MAGI3: variants seen among roughly 807,000 people sequenced by gnomAD.
MAGI3 encodes the protein membrane-associated guanylate kinase, WW and PDZ domain-containing protein 3.
In MAGI3, 43 loss-of-function variants were observed where a neutral mutation model predicts 121.8. The observed-to-expected ratio is 0.35, with a 90% CI of 0.28 to 0.46. The LOEUF is 0.46. Ranked by LOEUF, MAGI3 falls within the 20% of genes least tolerant of loss-of-function variation. The pLI, the probability that MAGI3 is intolerant of heterozygous loss-of-function variation, is 1.00. For synonymous variants in MAGI3, 553 were observed against 639.3 expected (o/e 0.86, Z 2.04); for missense variants, 1,547 against 1,797.3 (o/e 0.86, Z 2.52).
chr1:113,574,018 C>CT (rs567525647), intron 2 of MAGI3, among the ~76,000 whole-genome samples: 13 of 150,340 alleles, frequency 8.6e-5, no homozygotes, highest in Non-Finnish European at 1.8e-4. Flanking sequence ...CAACCCCTGC[C>CT]TTTTTTTTTC....
intron 1 of MAGI3, among the ~76,000 whole-genome samples, chr1:113,468,133 AGGT>A (rs1407870276): frequency 6.6e-6 from 1 of 152,142 alleles, no homozygotes; most frequent in African/African-American, 2.4e-5. Context: ...AGTTTCTTAT[AGGT>A]GGCATAAAGT....
chr1:113,665,010 A>G lies in MAGI3; in HGVS notation c.2815+5745A>G, dbSNP rs182483536. 3.7e-3 allele frequency among the ~76,000 whole-genome samples: 556 copies of G among 152,230 alleles called. 2 individuals are homozygous for G. The highest frequency in any genetic ancestry group is 5.4e-3 in the Non-Finnish European group (365 of 68,000). Reference sequence around the variant, plus strand: ...TAATTTAGATGTAATCAAATTTGTCACTTTTTACCTACAGCTTAAACTCTT... The same window carrying G: ...TAATTTAGATGTAATCAAATTTGTCGCTTTTTACCTACAGCTTAAACTCTT... On this transcript the variant is annotated intron_variant, in intron 16 of 20. Coordinates refer to ENST00000307546, the MANE Select transcript of MAGI3 (RefSeq NM_001142782.2).
At chr1:113,482,667 T>A (rs1405452597) in intron 1 of MAGI3, among the ~76,000 whole-genome samples, 4 of 115,218 alleles carry the variant, frequency 3.5e-5, no homozygotes, top group African/African-American at 6.4e-5. Flanking sequence ...TTTTTTTTTT[T>A]AACCACTGGA....
At chr1:113,622,244 TGAG>T (rs1650872279) in intron 8 of MAGI3, among the ~76,000 whole-genome samples, 1 of 152,150 alleles carries the variant, frequency 6.6e-6, no homozygotes, top group Admixed American at 6.5e-5. Context: ...CAGGCATGGT[TGAG>T]GAGAAGAGAG....
chr1:113,488,132 T>C (rs1032644656), intron 1 of MAGI3, among the ~76,000 whole-genome samples: 1 of 152,224 alleles, frequency 6.6e-6, no homozygotes, highest in Non-Finnish European at 1.5e-5. Flanking sequence ...TATTAAATTA[T>C]TTACGCTTTT....
intron 1 of MAGI3, among the ~76,000 whole-genome samples, chr1:113,434,798 TAAGG>T (rs1324151382): frequency 6.6e-6 from 1 of 152,250 alleles, no homozygotes; most frequent in Non-Finnish European, 1.5e-5. Context: ...ACAGAACAGA[TAAGG>T]AAGGTTCTTG....
intron 6 of MAGI3, among the ~76,000 whole-genome samples, chr1:113,606,785 C>T (rs1649801404): frequency 6.6e-6 from 1 of 152,126 alleles, no homozygotes; most frequent in East Asian, 1.9e-4. Context: ...TTGCCTGTTC[C>T]TCTCTTCTTG....
intron 1 of MAGI3, among the ~76,000 whole-genome samples, chr1:113,531,231 G>T (rs1292036605): frequency 6.6e-6 from 1 of 151,960 alleles, no homozygotes; most frequent in African/African-American, 2.4e-5. Flanking sequence ...TTACATACAG[G>T]TTATTAAAAC....
intron 1 of MAGI3, among the ~76,000 whole-genome samples, chr1:113,463,715 CTT>C (rs1219264298): frequency 6.6e-6 from 1 of 151,926 alleles, no homozygotes; most frequent in East Asian, 1.9e-4. Flanking sequence ...TTTTAACCCA[CTT>C]TAGAGGATTG....
At chr1:113,542,827 G>C (rs1659351632) in intron 1 of MAGI3, among the ~76,000 whole-genome samples, 1 of 152,028 alleles carries the variant, frequency 6.6e-6, no homozygotes, top group African/African-American at 2.4e-5. Context: ...GGATATTCTA[G>C]GACAGCGCTT....
chr1:113,641,023 A>ATATATATACAC (rs1491566258), intron 9 of MAGI3, among the ~76,000 whole-genome samples: 1 of 24,650 alleles, frequency 4.1e-5, no homozygotes, highest in Non-Finnish European at 9.8e-5. Context: ...ATGATATATA[A>ATATATATACAC]TATATATGAT....
chr1:113,416,988 C>A (rs191013061), intron 1 of MAGI3, among the ~76,000 whole-genome samples: 1 of 151,992 alleles, frequency 6.6e-6, no homozygotes, highest in Non-Finnish European at 1.5e-5. Flanking sequence ...TCACCTTTGA[C>A]TAATTGTCAT....
intron 2 of MAGI3, among the ~76,000 whole-genome samples, chr1:113,570,441 GT>G (rs1647230010): frequency 6.6e-6 from 1 of 152,140 alleles, no homozygotes; most frequent in Admixed American, 6.5e-5. Context: ...GGTATTTCTA[GT>G]TCTAGATCCT....
intron 1 of MAGI3, among the ~76,000 whole-genome samples, chr1:113,488,038 AT>A (rs1324081919): frequency 6.6e-6 from 1 of 152,134 alleles, no homozygotes; most frequent in Middle Eastern, 3.2e-3. Context: ...ATCTTCCTTA[AT>A]TTTTTATCCT....
At chr1:113,469,688 T>G (rs1655452537) in intron 1 of MAGI3, among the ~76,000 whole-genome samples, 1 of 152,166 alleles carries the variant, frequency 6.6e-6, no homozygotes, top group Admixed American at 6.5e-5. Flanking sequence ...AAGAATCAAC[T>G]TATCTCTTAT....
intron 9 of MAGI3, among the ~76,000 whole-genome samples, chr1:113,636,999 T>A (rs1356763296): frequency 6.6e-6 from 1 of 152,240 alleles, no homozygotes; most frequent in Non-Finnish European, 1.5e-5. Flanking sequence ...TCTTTGTCTC[T>A]TTTGATCTTT....
chr1:113,463,519 A>G (rs920856564), intron 1 of MAGI3, among the ~76,000 whole-genome samples: 3 of 152,082 alleles, frequency 2.0e-5, no homozygotes, highest in Non-Finnish European at 4.4e-5. Context: ...GAGAAGTTTG[A>G]TCATTGACTT....
intron 1 of MAGI3, among the ~76,000 whole-genome samples, chr1:113,530,659 G>T (rs1357739345): frequency 6.6e-6 from 1 of 152,062 alleles, no homozygotes; most frequent in Non-Finnish European, 1.5e-5. Context: ...GCGGCCTTAT[G>T]CCTGTAATCC....
rs144733332 is a variant in MAGI3, at chr1:113,624,797, C to T, written c.1360+1803C>T. 5.1e-3 allele frequency among the ~76,000 whole-genome samples: 781 copies of T among 152,268 alleles called. 7 individuals carry two copies. Among genetic ancestry groups the T allele is most frequent in the African/African-American group, 0.016 (666 of 41,548 alleles). ...AGAAATTTTTGCCCAGACCAATGTCCTGGAGAGTTTCCCCAATGTTTTCTT... is the reference window on the plus strand; with the variant it reads ...AGAAATTTTTGCCCAGACCAATGTCTTGGAGAGTTTCCCCAATGTTTTCTT... On this transcript the variant is annotated intron_variant, in intron 9 of 20. Transcript: ENST00000307546.
Sources: gnomAD v4.1 joint callset for allele counts (sites outside exome capture counted in the v4.1 genomes callset) on GRCh38, gnomAD v4.1.1 for gene constraint, MANE v1.5 for transcripts, NCBI Gene and HGNC (gene_info 2026-07-23, HGNC 2026-07-21) for gene names.